FAM13B: variants seen among roughly 807,000 people sequenced by gnomAD.
FAM13B encodes family with sequence similarity 13 member B.
FAM13B carries 60 observed loss-of-function variants against 117.3 expected under a neutral mutation model. The observed-to-expected ratio is 0.51, with a 90% CI of 0.42 to 0.63. FAM13B has a LOEUF of 0.63. FAM13B is among the 30% of genes least tolerant of loss of function. The pLI is 0.00. For synonymous variants in FAM13B, 332 were observed against 356.1 expected (o/e 0.93, Z 0.76); for missense variants, 972 against 1,091.9 (o/e 0.89, Z 1.55).
At chr5:137,953,297 A>ATTAGATTAAGCTC (rs1263511242) in intron 16 of FAM13B, 39 bp downstream of exon 16, 4 of 1,607,090 alleles carry the variant, frequency 2.5e-6, no homozygotes, top group Non-Finnish European at 3.4e-6. Flanking sequence ...CAGTTCTAAT[A>ATTAGATTAAGCTC]TTAGATTAAG....
Position 137,953,450 on chromosome 5 carries a change from G to C in FAM13B, c.1734C>G (p.Ser578=). 6.2e-7 allele frequency: 1 copy of C among 1,613,556 alleles called. No individual in the cohort carries two copies. The highest frequency in any genetic ancestry group is 8.5e-7 in the Non-Finnish European group (1 of 1,179,766). The change falls in exon 16 of 24, where the codon TCC becomes TCG. Residue 578 remains serine, a synonymous_variant. Transcript: ENST00000689681. ...CTCTCTTTTCATCTTTTGAACTAAA[G>C]GATGATCTTCGAATTCTGAATTAAA... is the stretch of plus-strand genomic sequence containing the variant. ...ALSFTRIRRS[S]FSSKDEKRED... is the part of the protein sequence containing the mutation.
chr5:137,956,472 C>G lies in FAM13B; in HGVS notation c.1507+5G>C, dbSNP rs1766588704. The G allele has an allele frequency of 1.3e-6, 2 of 1,590,378 alleles. No homozygotes were observed. Among genetic ancestry groups the G allele is most frequent in the Non-Finnish European group, 1.7e-6 (2 of 1,166,236 alleles). On this transcript the variant is annotated splice_donor_5th_base_variant and intron_variant, in intron 14 of 23. Coordinates refer to ENST00000689681, the MANE Select transcript of FAM13B (RefSeq NM_001385994.1). ...AAAAACTAAACTATGGTGAACCATA[C>G]TTACCCTCCCCATCTCTCTGCAGAT...
Position 137,954,538 on chromosome 5 carries a change from GTA to G in FAM13B, c.1508-164_1508-163del, listed in dbSNP as rs1554116778. The G allele has an allele frequency of 3.4e-3, 280 of 81,270 alleles. 2 individuals are homozygous for G. The highest frequency in any genetic ancestry group is 6.5e-3 in the Middle Eastern group (2 of 306). 5.0% of individuals were successfully genotyped at this position (81,270 alleles called of 1,614,324 possible). ...CACACACACACATACATGTGTGTGT[GTA>G]TATATATATATATATAATCTTCATA... On this transcript the variant is annotated intron_variant, in intron 14 of 23. Coordinates refer to ENST00000689681, the MANE Select transcript of FAM13B (RefSeq NM_001385994.1).
Position 138,007,100 on chromosome 5 carries a change from A to G in FAM13B, c.738T>C (p.His246=). ...CACCCTCTTCTGGAAGTTCTTCAAT[A>G]TGTTCCAGCTTTTCATCTTCCTCTT... ...EEEEEDEKLE[H]IEELPEEGAE... is the part of the protein sequence containing the mutation. Residue 246 remains histidine, a synonymous_variant, in exon 7 of 24, where the codon CAT becomes CAC. Coordinates refer to ENST00000689681, the MANE Select transcript of FAM13B (RefSeq NM_001385994.1). The G allele has an allele frequency of 1.2e-6, 2 of 1,613,262 alleles. No homozygotes were observed. The highest frequency in any genetic ancestry group is 1.7e-6 in the Non-Finnish European group (2 of 1,179,782).
At chr5:138,043,652 C>G (rs1162129860) in intron 1 of FAM13B, among the ~76,000 whole-genome samples, 1 of 151,926 alleles carries the variant, frequency 6.6e-6, no homozygotes, top group Non-Finnish European at 1.5e-5. Flanking sequence ...GTTGGTCAGA[C>G]TGGTCTCGAA....
intron 9 of FAM13B, among the ~76,000 whole-genome samples, chr5:137,985,794 G>A (rs570911854): frequency 8.5e-5 from 13 of 152,284 alleles, no homozygotes; most frequent in Non-Finnish European, 1.8e-4. Flanking sequence ...TCCTACTGCA[G>A]AGTTGTCATC....
chr5:138,037,387 G>A (rs1186132709), upstream of FAM13B: 1 of 151,092 alleles, frequency 6.6e-6, no homozygotes, highest in East Asian at 1.9e-4. Context: ...CATCACTGTG[G>A]AAGGAATATA....
Position 138,011,031 on chromosome 5 carries a change from C to T in FAM13B, c.667G>A (p.Asp223Asn), listed in dbSNP as rs749370966. The T allele has an allele frequency of 1.9e-6, 3 of 1,590,368 alleles. No homozygotes were observed. The African/African-American group carries it at 4.1e-5, about 22-fold the overall frequency. The change falls in exon 6 of 24, where the codon GAT becomes AAT. Residue 223 changes from aspartate (D) to asparagine (N), a missense_variant. Coordinates refer to ENST00000689681, the MANE Select transcript of FAM13B (RefSeq NM_001385994.1). ...ACCTGTTCAGTAATTGAACTCAAAT[C>T]ATTAGATGAAAAATCTTCCTCTTCA... ...ENEEEDFSSN[D>N]LSSITEQVNE...
At chr5:137,990,476 C>T (rs897349453) in intron 7 of FAM13B, among the ~76,000 whole-genome samples, 1 of 152,154 alleles carries the variant, frequency 6.6e-6, no homozygotes, top group Non-Finnish European at 1.5e-5. Context: ...GGGCTTATAT[C>T]CTCTCTGTTC....
chr5:137,983,977 T>A (rs918689877), intron 10 of FAM13B, among the ~76,000 whole-genome samples: 2 of 152,202 alleles, frequency 1.3e-5, no homozygotes, highest in Admixed American at 1.3e-4. Flanking sequence ...TAATTTAGCA[T>A]CTTATTTTTA....
At chr5:138,001,899 G>A (rs1299374013) in intron 7 of FAM13B, among the ~76,000 whole-genome samples, 3 of 152,138 alleles carry the variant, frequency 2.0e-5, no homozygotes, top group African/African-American at 7.2e-5. Flanking sequence ...ATGGCCAAAG[G>A]AGAATGACCA....
At chr5:138,011,179 A>G (rs768904230) in intron 5 of FAM13B, 30 bp from the exon 6 acceptor site, 8 of 1,580,076 alleles carry the variant, frequency 5.1e-6, no homozygotes, top group Middle Eastern at 1.7e-4. Flanking sequence ...TTGAATTGAG[A>G]GTTCTTAAAT....
intron 18 of FAM13B, among the ~76,000 whole-genome samples, chr5:137,948,603 C>G (rs1339825385): frequency 6.6e-6 from 1 of 152,118 alleles, no homozygotes; most frequent in Admixed American, 6.6e-5. Flanking sequence ...CTTTGTTGCT[C>G]AGGCTGGTCT....
Position 137,952,706 on chromosome 5 carries a change from AG to A in FAM13B, c.1851del (p.Ser618ProfsTer12), listed in dbSNP as rs774462069. On this transcript the variant is annotated frameshift_variant and splice_region_variant, in exon 17 of 24. Coordinates refer to ENST00000689681, the MANE Select transcript of FAM13B (RefSeq NM_001385994.1). LOFTEE classifies it high-confidence loss of function. ...GGATTGGCAGCAATATCACTGTAGGAGGGCTGAAAAATTATGGAGCAGAATC... is the reference window on the plus strand; with the variant it reads ...GGATTGGCAGCAATATCACTGTAGGAGGCTGAAAAATTATGGAGCAGAATC... The part of the protein sequence containing the change: ...EQFERERNSK[P>X]SYSDIAANPK... 6.3e-7 allele frequency: 1 copy of A among 1,595,970 alleles called. No homozygotes were observed. The highest frequency in any genetic ancestry group is 1.1e-5 in the South Asian group (1 of 87,562).
chr5:137,952,785 T>C, intron 16 of FAM13B, 76 bp from the exon 17 acceptor site: 1 of 860,424 alleles, frequency 1.2e-6, no homozygotes, highest in Non-Finnish European at 1.8e-6. Context: ...AAATAGTATT[T>C]TACAATTCCC....
intron 6 of FAM13B, among the ~76,000 whole-genome samples, chr5:138,009,963 A>T (rs915331008): frequency 6.6e-6 from 1 of 151,940 alleles, no homozygotes; most frequent in African/African-American, 2.4e-5. Context: ...TGGTACAGAG[A>T]TACTATTATT....
intron 7 of FAM13B, among the ~76,000 whole-genome samples, chr5:138,002,597 C>T (rs1781530669): frequency 6.6e-6 from 1 of 151,332 alleles, no homozygotes; most frequent in Admixed American, 6.6e-5. Flanking sequence ...ATAAATATCT[C>T]TAAAAATATA....
intron 13 of FAM13B, among the ~76,000 whole-genome samples, chr5:137,957,151 CAA>C (rs1366552069): frequency 3.3e-5 from 5 of 152,194 alleles, no homozygotes; most frequent in Non-Finnish European, 7.3e-5. Context: ...CACTTCTCTA[CAA>C]AGAGTCACAT....
intron 1 of FAM13B, among the ~76,000 whole-genome samples, chr5:138,030,799 A>C (rs1237355039): frequency 6.8e-6 from 1 of 146,238 alleles, no homozygotes; most frequent in Non-Finnish European, 1.5e-5. Flanking sequence ...TTTGGGAGGC[A>C]GAAGCAGGCA....
Sources: gnomAD v4.1 joint callset for allele counts (sites outside exome capture counted in the v4.1 genomes callset) on GRCh38, gnomAD v4.1.1 for gene constraint, MANE v1.5 for transcripts, NCBI Gene and HGNC (gene_info 2026-07-23, HGNC 2026-07-21) for gene names.